Variants in KIAA1958 observed in about 807,000 individuals in gnomAD.
KIAA1958 encodes uncharacterized protein KIAA1958.
KIAA1958 carries 14 observed loss-of-function variants against 47.2 expected under a neutral mutation model. That is an observed-to-expected ratio of 0.30 (90% CI 0.20 to 0.46). The LOEUF (loss-of-function observed/expected upper bound fraction) is 0.46, where lower values mean the gene tolerates loss of function less well. KIAA1958 is among the 20% of genes least tolerant of loss of function. The pLI is 1.00. For missense variants in KIAA1958, 803 were observed against 909.2 expected (o/e 0.88, Z 1.50); for synonymous variants, 354 against 353.3 (o/e 1.00, Z -0.02).
intron 2 of KIAA1958, among the ~76,000 whole-genome samples, chr9:112,605,347 G>A (rs1045522485): frequency 1.3e-5 from 2 of 152,096 alleles, no homozygotes; most frequent in African/African-American, 4.8e-5. Flanking sequence ...GTGAAGTGGT[G>A]GTTGACTTGG....
intron 1 of KIAA1958, among the ~76,000 whole-genome samples, chr9:112,569,606 A>C (rs115037472): frequency 7.0e-6 from 1 of 143,542 alleles, no homozygotes; most frequent in African/African-American, 2.7e-5. Flanking sequence ...TAACACTTTG[A>C]AATTCCTTTT....
Position 112,618,500 on chromosome 9 carries a change from A to G in KIAA1958, c.1172-27150A>G. 1 of 1,550,566 alleles carries G rather than the reference A, an allele frequency of 6.4e-7. No homozygotes were observed. Among genetic ancestry groups the G allele is most frequent in the East Asian group, 2.4e-5 (1 of 40,906 alleles). ...GAATGCCAAAACCAAGAGAGGGGGG[A>G]CAGACTCCCGTGTGTATGCCACCCA... is the stretch of plus-strand genomic sequence containing the variant. On this transcript the variant is annotated intron_variant, in intron 2 of 3. Coordinates refer to ENST00000337530, the MANE Select transcript of KIAA1958 (RefSeq NM_133465.4). The surrounding 1 kb of genome is among the most constrained non-coding windows in gnomAD (Gnocchi z 7.1).
In KIAA1958 at chr9:112,630,225, G is replaced by A. The variant is rs538609508; in HGVS notation, c.1172-15425G>A. 1.1e-4 allele frequency among the ~76,000 whole-genome samples: 16 copies of A among 152,304 alleles called. 2 individuals are homozygous for A. Among genetic ancestry groups the A allele is most frequent in the African/African-American group, 3.8e-4 (16 of 41,582 alleles). On this transcript the variant is annotated intron_variant, in intron 2 of 3. Transcript: ENST00000337530. ...CTGGAGCCCCAAGCCTGAAAATCCT[G>A]TTAATAGAAAAGAAAGCCCTGCTGC...
intron 1 of KIAA1958, among the ~76,000 whole-genome samples, chr9:112,551,030 A>G (rs1196258528): frequency 1.4e-5 from 2 of 146,560 alleles, no homozygotes; most frequent in Admixed American, 6.8e-5. Context: ...ACTTTACTGC[A>G]TAGTTGTTTT....
chr9:112,499,911 A>C (rs1454051661), intron 1 of KIAA1958, among the ~76,000 whole-genome samples: 2 of 151,704 alleles, frequency 1.3e-5, no homozygotes, highest in African/African-American at 4.8e-5. Flanking sequence ...GATGGTCTCT[A>C]TCTCCTGACC....
intron 2 of KIAA1958, among the ~76,000 whole-genome samples, chr9:112,607,307 T>A (rs1001063041): frequency 4.0e-5 from 6 of 150,282 alleles, no homozygotes; most frequent in African/African-American, 1.5e-4. Flanking sequence ...CACTCCAACC[T>A]GAGCGACACA....
At chr9:112,576,278 CT>C (rs1682152548) in intron 2 of KIAA1958, among the ~76,000 whole-genome samples, 1 of 152,130 alleles carries the variant, frequency 6.6e-6, no homozygotes, top group African/African-American at 2.4e-5. Context: ...AAGATATTCA[CT>C]GAAAATATTT....
chr9:112,504,846 A>G (rs1268367819), intron 1 of KIAA1958, among the ~76,000 whole-genome samples: 2 of 152,194 alleles, frequency 1.3e-5, no homozygotes, highest in Non-Finnish European at 2.9e-5. Flanking sequence ...CAAATTTATG[A>G]GGTACATGTA....
At chr9:112,560,198 CTTTTTTTTTCTT>C (rs920816387) in intron 1 of KIAA1958, among the ~76,000 whole-genome samples, 1 of 108,664 alleles carries the variant, frequency 9.2e-6, no homozygotes, top group African/African-American at 3.7e-5. Flanking sequence ...TTTTCTTTTT[CTTTTTTTTTCTT>C]TTTTTGAAGA....
chr9:112,519,797 A>G (rs937610123), intron 1 of KIAA1958, among the ~76,000 whole-genome samples: 38 of 152,214 alleles, frequency 2.5e-4, no homozygotes, highest in African/African-American at 7.5e-4. Flanking sequence ...TTTTGTACCA[A>G]CTTGTTTCTG....
At chr9:112,625,676 T>C (rs1836598472) in intron 2 of KIAA1958, among the ~76,000 whole-genome samples, 1 of 152,224 alleles carries the variant, frequency 6.6e-6, no homozygotes, top group African/African-American at 2.4e-5. Context: ...AACCCACAAA[T>C]TTCTCTTAGG....
rs1436233804 is a variant in KIAA1958 at position 112,596,005 on chromosome 9, G to A, written c.1171+20754G>A. Among the ~76,000 whole-genome samples, 6 of 152,052 alleles carry A rather than the reference G, an allele frequency of 3.9e-5. No individual in the cohort carries two copies. In the East Asian group the frequency reaches 7.8e-4, roughly 20 times the overall value. ...TCTCCATGTTGGTCAGGCTGGTCTCGAACTCTTGACCTCAGGTGATCCGCC... is the reference window on the plus strand; with the variant it reads ...TCTCCATGTTGGTCAGGCTGGTCTCAAACTCTTGACCTCAGGTGATCCGCC... On this transcript the variant is annotated intron_variant, in intron 2 of 3. Transcript: ENST00000337530.
chr9:112,582,025 C>T, intron 2 of KIAA1958: 1 of 238,666 alleles, frequency 4.2e-6, no homozygotes. Flanking sequence ...GCCCTATTAC[C>T]TCATTAGGGA....
intron 2 of KIAA1958, among the ~76,000 whole-genome samples, chr9:112,585,297 G>A (rs1383560174): frequency 6.6e-6 from 1 of 152,244 alleles, no homozygotes; most frequent in African/African-American, 2.4e-5. Flanking sequence ...ATAAGGAGGT[G>A]TATAAAATAT....
intron 3 of KIAA1958, among the ~76,000 whole-genome samples, chr9:112,649,119 G>A (rs1837020217): frequency 6.6e-6 from 1 of 152,066 alleles, no homozygotes; most frequent in Non-Finnish European, 1.5e-5. Context: ...TGAATGTATA[G>A]CAATAGTAAC....
chr9:112,598,126 A>G (rs1453690707), intron 2 of KIAA1958, among the ~76,000 whole-genome samples: 1 of 152,112 alleles, frequency 6.6e-6, no homozygotes, highest in Non-Finnish European at 1.5e-5. Context: ...TTTTTTAAGG[A>G]AGTGACATTT....
chr9:112,608,773 A>G (rs1372399650), intron 2 of KIAA1958, among the ~76,000 whole-genome samples: 2 of 151,870 alleles, frequency 1.3e-5, no homozygotes, highest in Non-Finnish European at 2.9e-5. Context: ...GTGGGGTGGC[A>G]TGCACCTGTA....
At chr9:112,638,292 G>C (rs2131236809) in intron 2 of KIAA1958, among the ~76,000 whole-genome samples, 1 of 152,196 alleles carries the variant, frequency 6.6e-6, no homozygotes, top group East Asian at 1.9e-4. Flanking sequence ...ATCGGTTGAA[G>C]CCAGAAATTG....
Position 112,660,712 on chromosome 9 carries a change from A to G in KIAA1958, c.*643A>G, listed in dbSNP as rs1282096301. Reference sequence around the variant, plus strand: ...CGGTAGGAACCCCATCTCGGCTGTCAATGGAGAGAATTTTATGATAAAAGA... The same window carrying G: ...CGGTAGGAACCCCATCTCGGCTGTCGATGGAGAGAATTTTATGATAAAAGA... On this transcript the variant is annotated 3_prime_UTR_variant, in exon 4 of 4. Transcript: ENST00000337530. 4 of 152,542 alleles carry G rather than the reference A, an allele frequency of 2.6e-5. No homozygotes were observed. Among genetic ancestry groups the G allele is most frequent in the African/African-American group, 4.8e-5 (2 of 41,448 alleles). The allele number at this position is 152,542 out of a possible 1,614,324, so 9.4% of individuals were successfully genotyped here. A position where few individuals can be genotyped will look rare whatever the true frequency, so the allele number is the denominator to read the frequency against.
Sources: gnomAD v4.1 joint callset for allele counts (sites outside exome capture counted in the v4.1 genomes callset) on GRCh38, gnomAD v4.1.1 for gene constraint, Gnocchi (gnomAD v3.1) non-coding constraint, MANE v1.5 for transcripts, NCBI Gene and HGNC (gene_info 2026-07-23, HGNC 2026-07-21) for gene names.